Variants in CAMK4 observed in about 807,000 individuals in gnomAD.
CAMK4 encodes calcium/calmodulin dependent protein kinase IV.
CAMK4 carries 22 observed loss-of-function variants against 44.9 expected under a neutral mutation model. The ratio of observed to expected loss-of-function variants is 0.49; its 90% CI spans 0.35 to 0.70. The LOEUF is 0.70. Among genes scored for constraint, CAMK4 ranks in the 30% least tolerant of loss-of-function variants. The pLI is 0.01. For synonymous variants in CAMK4, 218 were observed against 215.4 expected (o/e 1.01, Z -0.11); for missense variants, 498 against 586.8 (o/e 0.85, Z 1.56).
At chr5:111,408,886 T>C (rs1339518079) in intron 5 of CAMK4, among the ~76,000 whole-genome samples, 2 of 152,154 alleles carry the variant, frequency 1.3e-5, no homozygotes, top group African/African-American at 2.4e-5. Context: ...TCTGAAATGA[T>C]CTCCTTTGAC....
intron 1 of CAMK4, among the ~76,000 whole-genome samples, chr5:111,280,015 C>G (rs1750941196): frequency 6.6e-6 from 1 of 152,116 alleles, no homozygotes; most frequent in Admixed American, 6.5e-5. Flanking sequence ...GTATTGAGGT[C>G]AGAAGATGTC....
intron 1 of CAMK4, among the ~76,000 whole-genome samples, chr5:111,328,315 A>G (rs1161757591): frequency 1.3e-5 from 2 of 151,480 alleles, no homozygotes; most frequent in African/African-American, 2.4e-5. Context: ...AAGATCAGAT[A>G]GTTGTAGATA....
intron 5 of CAMK4, among the ~76,000 whole-genome samples, chr5:111,425,984 A>G (rs77319201): frequency 0.01 from 1,564 of 152,312 alleles, 33 homozygotes; most frequent in African/African-American, 0.036. Context: ...GTTCAAGTTC[A>G]TGACAGAACA....
intron 5 of CAMK4, among the ~76,000 whole-genome samples, chr5:111,424,034 A>G (rs548251714): frequency 6.6e-6 from 1 of 152,326 alleles, no homozygotes; most frequent in South Asian, 2.1e-4. Flanking sequence ...TTAGAACCCT[A>G]AATAAGTGAC....
chr5:111,431,541 G>A (rs1208814049), intron 5 of CAMK4, among the ~76,000 whole-genome samples: 1 of 151,958 alleles, frequency 6.6e-6, no homozygotes, highest in African/African-American at 2.4e-5. Flanking sequence ...GCTTCTGCAC[G>A]GAAAAGGATA....
intron 8 of CAMK4, among the ~76,000 whole-genome samples, chr5:111,477,543 G>T (rs117011637): frequency 6.6e-6 from 1 of 151,854 alleles, no homozygotes; most frequent in Non-Finnish European, 1.5e-5. Flanking sequence ...ACTTCCACCC[G>T]TCTGTAAACA....
At chr5:111,263,069 A>AG (rs1346890625) in intron 1 of CAMK4, among the ~76,000 whole-genome samples, 2 of 152,362 alleles carry the variant, frequency 1.3e-5, no homozygotes, top group Non-Finnish European at 2.9e-5. Context: ...ATAGCTGAAG[A>AG]GAAAGGAAGT....
intron 1 of CAMK4, among the ~76,000 whole-genome samples, chr5:111,262,029 C>T (rs1157691711): frequency 1.3e-5 from 2 of 152,040 alleles, no homozygotes; most frequent in Admixed American, 6.5e-5. Context: ...TCTGCAGAGT[C>T]ATCCTTGTGT....
intron 5 of CAMK4, among the ~76,000 whole-genome samples, chr5:111,399,404 A>G (rs1752141262): frequency 6.6e-6 from 1 of 152,208 alleles, no homozygotes; most frequent in African/African-American, 2.4e-5. Context: ...CTTAGTTTCT[A>G]TTACCATGTG....
intron 1 of CAMK4, among the ~76,000 whole-genome samples, chr5:111,341,180 T>G (rs1010480823): frequency 1.3e-5 from 2 of 151,352 alleles, no homozygotes; most frequent in African/African-American, 4.8e-5. Context: ...TCCCACACTT[T>G]CAAAGAGCAG....
chr5:111,442,634 T>C (rs1438479245), intron 5 of CAMK4, among the ~76,000 whole-genome samples: 2 of 150,112 alleles, frequency 1.3e-5, no homozygotes, highest in African/African-American at 4.8e-5. Context: ...TATGAAAGTC[T>C]AGCTGTTTTC....
chr5:111,224,390 C>A lies in CAMK4; in HGVS notation c.-94C>A. On this transcript the variant is annotated 5_prime_UTR_variant, in exon 1 of 11. Coordinates refer to ENST00000282356, the MANE Select transcript of CAMK4 (RefSeq NM_001744.6). This position sits in a 1 kb window ranked among gnomAD's most constrained non-coding sequence, Gnocchi z 5.7. ...CGCGTGAAGGACGCCGCCTCTCTCT[C>A]GCTCCTGCGTTCGCAGGCGGCGGCT... 7 of 1,441,934 alleles carry A rather than the reference C, an allele frequency of 4.9e-6. No individual in the cohort carries two copies. The highest frequency in any genetic ancestry group is 5.9e-5 in the East Asian group (2 of 33,688). 89.3% of individuals were successfully genotyped at this position (1,441,934 alleles called of 1,614,324 possible).
At position 111,482,739 on chromosome 5, in the gene CAMK4, G is replaced by A. The variant is rs115453426; in HGVS notation, c.829-46G>A. On this transcript the variant is annotated intron_variant, in intron 9 of 10. Transcript: ENST00000282356. This position sits in a 1 kb window ranked among gnomAD's most constrained non-coding sequence, Gnocchi z 4.9. ...GTTTGTAAGCTGAGGGCAAGCCCAG[G>A]TCATCCTAAAAACCTCGCTAAGTTT... 99 of 1,500,868 alleles carry A rather than the reference G, an allele frequency of 6.6e-5. No homozygotes were observed. The African/African-American group carries it at 1.1e-3, about 16-fold the overall frequency. The allele number at this position is 1,500,868 out of a possible 1,614,324, so 93.0% of individuals were successfully genotyped here. A position where few individuals can be genotyped will look rare whatever the true frequency, so the allele number is the denominator to read the frequency against.
chr5:111,351,729 G>A (rs1750116009), intron 2 of CAMK4, among the ~76,000 whole-genome samples: 2 of 152,082 alleles, frequency 1.3e-5, no homozygotes, highest in South Asian at 2.1e-4. Flanking sequence ...GGAATTTTAA[G>A]TCACTTCATG....
At chr5:111,261,387 G>C (rs1005971186) in intron 1 of CAMK4, among the ~76,000 whole-genome samples, 16 of 152,158 alleles carry the variant, frequency 1.1e-4, no homozygotes, top group Admixed American at 6.5e-5. Context: ...CACCAGTCTA[G>C]GAATATAGCT....
intron 7 of CAMK4, among the ~76,000 whole-genome samples, chr5:111,469,731 A>G (rs1248665127): frequency 6.6e-6 from 1 of 152,224 alleles, no homozygotes; most frequent in Non-Finnish European, 1.5e-5. Context: ...TTGTAGCAGA[A>G]GAAATGAGAA....
At chr5:111,479,902 A>G (rs1580809053) in intron 9 of CAMK4, among the ~76,000 whole-genome samples, 2 of 152,014 alleles carry the variant, frequency 1.3e-5, no homozygotes, top group Admixed American at 6.6e-5. Context: ...CCAACCTCCT[A>G]TCTGACCTCC....
At chr5:111,369,753 T>G (rs1750933268) in intron 2 of CAMK4, among the ~76,000 whole-genome samples, 1 of 152,180 alleles carries the variant, frequency 6.6e-6, no homozygotes, top group Middle Eastern at 3.2e-3. Flanking sequence ...TGGCATAGTA[T>G]TTGCACATCA....
chr5:111,449,062 A>G lies in CAMK4; in HGVS notation c.551-67A>G, dbSNP rs1754128527. ...ATAAATAAGTTAGTTTTATTTTTGA[A>G]TAACAAATATTTTGTCATAAAAGCT... On this transcript the variant is annotated intron_variant, in intron 6 of 10. Coordinates refer to ENST00000282356, the MANE Select transcript of CAMK4 (RefSeq NM_001744.6). 4 of 731,968 alleles carry G rather than the reference A, an allele frequency of 5.5e-6. No homozygotes were observed. In the South Asian group the frequency reaches 6.8e-5, roughly 12 times the overall value. 45.3% of individuals were successfully genotyped at this position (731,968 alleles called of 1,614,324 possible).
Sources: allele counts gnomAD v4.1 joint callset (sites outside exome capture counted in the v4.1 genomes callset), GRCh38; gene constraint gnomAD v4.1.1; non-coding constraint Gnocchi (gnomAD v3.1); transcripts MANE v1.5; gene names NCBI Gene and HGNC (gene_info 2026-07-23, HGNC 2026-07-21).